TRHDE: variants seen among roughly 807,000 people sequenced by gnomAD.
The protein encoded by TRHDE is thyrotropin releasing hormone degrading enzyme.
TRHDE carries 72 observed loss-of-function variants against 125.7 expected under a neutral mutation model. The observed-to-expected ratio is 0.57, with a 90% CI of 0.47 to 0.70. TRHDE has a LOEUF of 0.70. TRHDE is among the 30% of genes least tolerant of loss of function. The pLI, the probability that TRHDE is intolerant of heterozygous loss-of-function variation, is 0.00. For missense variants in TRHDE, 1,110 were observed against 1,327.1 expected (o/e 0.84, Z 2.54); for synonymous variants, 509 against 509.1 (o/e 1.00, Z 0.00).
chr12:72,352,561 A>T (rs973446181), intron 2 of TRHDE, among the ~76,000 whole-genome samples: 2 of 151,848 alleles, frequency 1.3e-5, no homozygotes, highest in South Asian at 2.1e-4. Flanking sequence ...TTAAAATATA[A>T]TCTAGTAATT....
intron 3 of TRHDE, among the ~76,000 whole-genome samples, chr12:72,426,389 C>T (rs906640635): frequency 2.6e-5 from 4 of 152,028 alleles, no homozygotes; most frequent in African/African-American, 9.7e-5. Context: ...CTAAGAAAAA[C>T]ACTTTCAGTG....
chr12:72,583,929 T>TA (rs1451646330), intron 12 of TRHDE, among the ~76,000 whole-genome samples: 2 of 79,394 alleles, frequency 2.5e-5, no homozygotes, highest in South Asian at 8.7e-4. Context: ...CAAACTTTTT[T>TA]TTTTTTTTTT....
chr12:72,660,806 A>G (rs1280202576), intron 18 of TRHDE, among the ~76,000 whole-genome samples: 1 of 152,150 alleles, frequency 6.6e-6, no homozygotes, highest in Non-Finnish European at 1.5e-5. Context: ...CTTCGCCCAC[A>G]AATGGCAGCA....
At chr12:72,278,910 G>A (rs143790874) in intron 1 of TRHDE, among the ~76,000 whole-genome samples, 151 of 151,798 alleles carry the variant, frequency 9.9e-4, no homozygotes, top group African/African-American at 3.3e-3. Flanking sequence ...TTACTTTACT[G>A]TTTATTGTCT....
At chr12:72,365,212 T>C (rs1871292135) in intron 2 of TRHDE, among the ~76,000 whole-genome samples, 1 of 152,160 alleles carries the variant, frequency 6.6e-6, no homozygotes, top group African/African-American at 2.4e-5. Flanking sequence ...TGATACATAT[T>C]TTCCCTGTGT....
At position 72,315,199 on chromosome 12, in the gene TRHDE, G is replaced by T. The variant is rs186643015; in HGVS notation, c.1188+28245G>T. Among the ~76,000 whole-genome samples the T allele has an allele frequency of 5.3e-5, 8 of 152,172 alleles. No homozygotes were observed. In the East Asian group the frequency reaches 1.5e-3, roughly 29 times the overall value. ...CATTTCTAGTTTTTCTCAGCTACTT[G>T]CCTCAAACCCTTTGCATAATTTAGG... On this transcript the variant is annotated intron_variant, in intron 2 of 18. Transcript: ENST00000261180.
chr12:72,656,844 G>C (rs1874725636), intron 17 of TRHDE, 83 bp from the exon 18 acceptor site: 1 of 962,680 alleles, frequency 1.0e-6, no homozygotes. Flanking sequence ...TCGAACCCTT[G>C]AGAAAACTCT....
At chr12:72,563,426 A>G (rs1389799535) in intron 9 of TRHDE, among the ~76,000 whole-genome samples, 3 of 134,908 alleles carry the variant, frequency 2.2e-5, no homozygotes, top group African/African-American at 7.0e-5. Flanking sequence ...ACAGAAACTC[A>G]TAATGCAGAA....
chr12:72,517,873 T>C (rs1398447002), intron 6 of TRHDE, among the ~76,000 whole-genome samples: 6 of 151,838 alleles, frequency 4.0e-5, no homozygotes, highest in African/African-American at 9.6e-5. Context: ...TCAAAGAACA[T>C]CTTTATTTCT....
At chr12:72,617,318 A>G (rs1467897491) in intron 12 of TRHDE, among the ~76,000 whole-genome samples, 2 of 152,142 alleles carry the variant, frequency 1.3e-5, no homozygotes, top group Non-Finnish European at 2.9e-5. Context: ...TAATTAAAAG[A>G]AAACTGCAGC....
In TRHDE at chr12:72,656,945, T is replaced by C. The variant is rs1429891656; in HGVS notation, c.3003T>C (p.Phe1001=). The change falls in exon 18 of 19, where the codon TTT becomes TTC. Residue 1001 remains phenylalanine (F), a synonymous_variant. Coordinates refer to ENST00000261180, the MANE Select transcript of TRHDE (RefSeq NM_013381.3). ...ILNTRYGEAL[F]MNSKLISGVT... is the part of the protein sequence containing the mutation. ...TTTTGAGGTATGGAGAAGCATTGTT[T>C]ATGAATTCCAAACTCATCAGTGGTG... The C allele has an allele frequency of 6.2e-7, 1 of 1,610,084 alleles. No homozygotes were observed. Among genetic ancestry groups the C allele is most frequent in the Non-Finnish European group, 8.5e-7 (1 of 1,177,362 alleles).
chr12:72,371,277 C>T (rs1871571595), intron 2 of TRHDE, among the ~76,000 whole-genome samples: 1 of 150,770 alleles, frequency 6.6e-6, no homozygotes, highest in Non-Finnish European at 1.5e-5. Context: ...CTATACATAC[C>T]TATGAAACTC....
intron 2 of TRHDE, among the ~76,000 whole-genome samples, chr12:72,210,172 A>ATCTC (rs1877748027): frequency 1.4e-4 from 1 of 7,206 alleles, no homozygotes; most frequent in African/African-American, 6.8e-4. Context: ...TATAAGATTG[A>ATCTC]TCTATCTATC....
intron 1 of TRHDE, among the ~76,000 whole-genome samples, chr12:72,101,387 T>G (rs1324080949): frequency 6.6e-6 from 1 of 152,204 alleles, no homozygotes; most frequent in East Asian, 1.9e-4. Flanking sequence ...GAGTGGCTGC[T>G]TTGAGTCTTG....
chr12:72,335,026 A>G (rs1306207146), intron 2 of TRHDE, among the ~76,000 whole-genome samples: 1 of 152,190 alleles, frequency 6.6e-6, no homozygotes, highest in Non-Finnish European at 1.5e-5. Flanking sequence ...GAGGGTAGGC[A>G]GGAGAGATGC....
At chr12:72,114,450 A>G (rs983020092) in intron 2 of TRHDE, among the ~76,000 whole-genome samples, 2 of 152,216 alleles carry the variant, frequency 1.3e-5, no homozygotes, top group Non-Finnish European at 2.9e-5. Context: ...TAAAGTAAGT[A>G]CAGAAAAGGA....
intron 2 of TRHDE, among the ~76,000 whole-genome samples, chr12:72,333,485 G>A (rs925173497): frequency 6.6e-6 from 1 of 152,192 alleles, no homozygotes; most frequent in Admixed American, 6.5e-5. Flanking sequence ...TGAAAAATTT[G>A]TGACAGTAAT....
intron 18 of TRHDE, among the ~76,000 whole-genome samples, chr12:72,660,650 A>G (rs562628307): frequency 1.3e-4 from 20 of 152,314 alleles, no homozygotes; most frequent in Non-Finnish European, 2.5e-4. Flanking sequence ...GCTAATGATT[A>G]ATAATGTTTA....
chr12:72,133,115 TG>T (rs1875901728), intron 2 of TRHDE, among the ~76,000 whole-genome samples: 1 of 152,238 alleles, frequency 6.6e-6, no homozygotes, highest in Non-Finnish European at 1.5e-5. Flanking sequence ...TGAAAGCTTT[TG>T]TAAGTATACA....
Sources: gnomAD v4.1 joint callset for allele counts (sites outside exome capture counted in the v4.1 genomes callset) on GRCh38, gnomAD v4.1.1 for gene constraint, MANE v1.5 for transcripts, NCBI Gene and HGNC (gene_info 2026-07-23, HGNC 2026-07-21) for gene names.